LOC122539214: variants seen among roughly 807,000 people sequenced by gnomAD.
chr19:52,674,015 CAAAAAAAAAAA>C, the LOC122539214 span, among the ~76,000 whole-genome samples: 1,001 of 73,072 alleles, frequency 0.014, 30 homozygotes, highest in African/African-American at 0.049. Context: ...GACTCCATCT[CAAAAAAAAAAA>C]AAAAAAAAAA....
the LOC122539214 span, chr19:52,655,231 T>C: frequency 3.8e-6 from 1 of 261,686 alleles, no homozygotes; most frequent in South Asian, 8.4e-5. Flanking sequence ...TGGAAACACT[T>C]GTCAGTCACT....
At chr19:52,680,500 A>G in the LOC122539214 span, among the ~76,000 whole-genome samples, 1 of 152,192 alleles carries the variant, frequency 6.6e-6, no homozygotes, top group African/African-American at 2.4e-5. Context: ...GAAAAGAGAA[A>G]ATAAGTACTA....
At chr19:52,671,256 C>T in the LOC122539214 span, among the ~76,000 whole-genome samples, 2 of 152,136 alleles carry the variant, frequency 1.3e-5, no homozygotes, top group South Asian at 2.1e-4. Context: ...ATAAAAAAAT[C>T]AGAGCTTACA....
chr19:52,664,219 G>A, the LOC122539214 span, among the ~76,000 whole-genome samples: 23 of 151,410 alleles, frequency 1.5e-4, no homozygotes, highest in Admixed American at 1.4e-3. Context: ...GAACAAGCTG[G>A]GTGTGGTGGC....
the LOC122539214 span, among the ~76,000 whole-genome samples, chr19:52,688,313 G>A: frequency 1.3e-5 from 2 of 151,850 alleles, no homozygotes; most frequent in African/African-American, 4.8e-5. Context: ...TGGGATTACA[G>A]GTGCGCACCA....
the LOC122539214 span, among the ~76,000 whole-genome samples, chr19:52,664,558 C>A: frequency 6.6e-6 from 1 of 152,062 alleles, no homozygotes; most frequent in African/African-American, 2.4e-5. Flanking sequence ...GAATCTAAGG[C>A]CAATTAACAC....
the LOC122539214 span, chr19:52,652,253 T>C: frequency 8.6e-6 from 2 of 232,712 alleles, no homozygotes; most frequent in Non-Finnish European, 8.5e-6. Flanking sequence ...CAGGCCAACA[T>C]GGTGAAACCC....
chr19:52,689,976 G>A, the LOC122539214 span, among the ~76,000 whole-genome samples: 3 of 152,156 alleles, frequency 2.0e-5, no homozygotes, highest in Non-Finnish European at 4.4e-5. Context: ...GGAGGGAGGT[G>A]GGGGGCGACG....
the LOC122539214 span, among the ~76,000 whole-genome samples, chr19:52,687,574 AATT>A: frequency 1.2e-3 from 42 of 36,124 alleles, no homozygotes; most frequent in African/African-American, 3.4e-3. Flanking sequence ...TATATATATA[AATT>A]TTATATATAT....
At chr19:52,658,902 T>C in the LOC122539214 span, among the ~76,000 whole-genome samples, 2 of 152,188 alleles carry the variant, frequency 1.3e-5, no homozygotes, top group Non-Finnish European at 2.9e-5. Flanking sequence ...ACCATGCTAA[T>C]TATCCTCAAG....
At chr19:52,680,078 C>T in the LOC122539214 span, among the ~76,000 whole-genome samples, 1 of 152,156 alleles carries the variant, frequency 6.6e-6, no homozygotes, top group African/African-American at 2.4e-5. Context: ...ACTTGAGAGG[C>T]TGAAGGAGGA....
chr19:52,668,037 C>T, the LOC122539214 span, among the ~76,000 whole-genome samples: 8 of 152,172 alleles, frequency 5.3e-5, no homozygotes, highest in Non-Finnish European at 1.2e-4. Flanking sequence ...GATGTCCCCA[C>T]GTTTAAAACA....
At chr19:52,680,730 A>G in the LOC122539214 span, among the ~76,000 whole-genome samples, 474 of 136,306 alleles carry the variant, frequency 3.5e-3, no homozygotes, top group Non-Finnish European at 5.1e-3. Flanking sequence ...CTCCTGCCTC[A>G]GCCTCCCGAG....
At chr19:52,665,330 A>C in the LOC122539214 span, among the ~76,000 whole-genome samples, 10,829 of 152,030 alleles carry the variant, frequency 0.071, 1,194 homozygotes, top group African/African-American at 0.24. Flanking sequence ...GTAGGAGGAT[A>C]GCTGAGCTGG....
the LOC122539214 span, chr19:52,654,088 T>C: frequency 6.2e-7 from 1 of 1,601,176 alleles, no homozygotes; most frequent in Non-Finnish European, 8.6e-7. Context: ...AGTCTGAAAT[T>C]CGTGCAGTTC....
the LOC122539214 span, chr19:52,654,269 C>G: frequency 6.4e-7 from 1 of 1,558,250 alleles, no homozygotes; most frequent in Non-Finnish European, 8.8e-7. Context: ...TCATGAATAT[C>G]TTTCTTGATT....
At chr19:52,676,090 C>A in the LOC122539214 span, among the ~76,000 whole-genome samples, 1 of 152,162 alleles carries the variant, frequency 6.6e-6, no homozygotes, top group East Asian at 1.9e-4. Flanking sequence ...GCCTGATTCT[C>A]CTGCCTCAGC....
chr19:52,674,506 G>C, the LOC122539214 span, among the ~76,000 whole-genome samples: 2 of 152,100 alleles, frequency 1.3e-5, no homozygotes, highest in Admixed American at 1.3e-4. Context: ...TAGATGACAC[G>C]ATCCTCTGTG....
At chr19:52,688,514 C>T in the LOC122539214 span, among the ~76,000 whole-genome samples, 380 of 151,430 alleles carry the variant, frequency 2.5e-3, 1 homozygote, top group African/African-American at 8.7e-3. Flanking sequence ...TGATTCTGTA[C>T]GTATCTCTCA....
Sources: gnomAD v4.1 joint callset for allele counts (sites outside exome capture counted in the v4.1 genomes callset) on GRCh38, gnomAD v4.1.1 for gene constraint, MANE v1.5 for transcripts.